The following NRXN3 variants were observed in gnomAD, a reference collection of about 807,000 sequenced individuals.
NRXN3 encodes neurexin 3.
A neutral mutation model predicts 137.6 loss-of-function variants in NRXN3; 32 were observed. The observed-to-expected ratio is 0.23, with a 90% confidence interval of 0.18 to 0.31. The LOEUF (loss-of-function observed/expected upper bound fraction) is 0.31, where lower values mean the gene tolerates loss of function less well. Ranked by LOEUF, NRXN3 falls within the 10% of genes least tolerant of loss-of-function variation. The pLI is 1.00. For missense variants in NRXN3, 1,574 were observed against 2,062.5 expected (o/e 0.76, Z 4.59); for synonymous variants, 798 against 784.5 (o/e 1.02, Z -0.29).
chr14:79,788,045 C>T (rs1423925454), intron 19 of NRXN3, among the ~76,000 whole-genome samples: 1 of 152,116 alleles, frequency 6.6e-6, no homozygotes, highest in African/African-American at 2.4e-5. Flanking sequence ...GTTTAATGGA[C>T]TTCACAGCTC....
chr14:79,562,792 A>G (rs559734878), intron 16 of NRXN3, among the ~76,000 whole-genome samples: 46 of 152,310 alleles, frequency 3.0e-4, no homozygotes, highest in Non-Finnish European at 6.3e-4. Flanking sequence ...CTCCCATCCT[A>G]TACTTCTAGG....
intron 15 of NRXN3, among the ~76,000 whole-genome samples, chr14:79,044,482 T>C (rs2099629866): frequency 6.6e-6 from 1 of 152,218 alleles, no homozygotes; most frequent in South Asian, 2.1e-4. Context: ...ACCTTTTTCA[T>C]AGGTTTTGAT....
At chr14:78,234,395 G>A (rs550983524) in intron 1 of NRXN3, among the ~76,000 whole-genome samples, 42 of 152,180 alleles carry the variant, frequency 2.8e-4, no homozygotes, top group Admixed American at 1.4e-3. Context: ...TGTACTAAGT[G>A]CCTACGTATG....
intron 20 of NRXN3, among the ~76,000 whole-genome samples, chr14:79,819,923 T>C (rs564498989): frequency 1.3e-5 from 2 of 152,222 alleles, no homozygotes; most frequent in South Asian, 4.1e-4. Context: ...GCTTAACGTC[T>C]TGCCCTTCGC....
intron 2 of NRXN3, among the ~76,000 whole-genome samples, chr14:78,269,952 C>T (rs575686844): frequency 6.6e-6 from 1 of 152,304 alleles, no homozygotes; most frequent in Admixed American, 6.5e-5. Context: ...TTGTGATTGC[C>T]AGCCTCAATG....
intron 1 of NRXN3, among the ~76,000 whole-genome samples, chr14:78,234,994 T>TTATATATATATATATATATATATGTG (rs2065991286): frequency 9.2e-6 from 1 of 108,784 alleles, no homozygotes; most frequent in Non-Finnish European, 1.9e-5. Flanking sequence ...ACAAATGCTT[T>TTATATATATATATATATATATATGTG]TATATATATA....
chr14:79,619,304 C>T (rs1425877289), intron 16 of NRXN3, among the ~76,000 whole-genome samples: 1 of 152,006 alleles, frequency 6.6e-6, no homozygotes, highest in Non-Finnish European at 1.5e-5. Context: ...ATGGTATTTC[C>T]TAGGTTTCCT....
At chr14:78,619,187 G>A (rs563900716) in intron 4 of NRXN3, among the ~76,000 whole-genome samples, 2 of 152,284 alleles carry the variant, frequency 1.3e-5, no homozygotes, top group South Asian at 4.2e-4. Flanking sequence ...GAAATCAAAA[G>A]CCACTGGACA....
chr14:78,989,233 T>C (rs1215128347), intron 15 of NRXN3, among the ~76,000 whole-genome samples: 1 of 152,244 alleles, frequency 6.6e-6, no homozygotes, highest in Non-Finnish European at 1.5e-5. Flanking sequence ...AGTCACATTA[T>C]GGTGTGACCA....
At chr14:78,412,635 C>A (rs1261469367) in intron 4 of NRXN3, among the ~76,000 whole-genome samples, 4 of 152,096 alleles carry the variant, frequency 2.6e-5, no homozygotes, top group African/African-American at 9.7e-5. Flanking sequence ...GGTCACCCAG[C>A]CAGTAAGGGG....
rs77999694 is a variant in NRXN3 at position 78,544,155 on chromosome 14, A to T, written c.758-100965A>T. 2.4e-3 allele frequency among the ~76,000 whole-genome samples: 360 copies of T among 152,348 alleles called. 13 individuals carry two copies. In the East Asian group the frequency reaches 0.061, roughly 26 times the overall value. On this transcript the variant is annotated intron_variant, in intron 4 of 20. Coordinates refer to ENST00000335750, the MANE Select transcript of NRXN3 (RefSeq NM_001330195.2). The stretch of plus-strand genomic sequence containing the variant: ...AGCCCTGGGGCACACCATGAGAGAT[A>T]CATGATACAGCTCAGGCAAATGCTA...
Position 78,617,480 on chromosome 14 carries a change from A to G in NRXN3, c.758-27640A>G, listed in dbSNP as rs112785348. On this transcript the variant is annotated intron_variant, in intron 4 of 20. Coordinates refer to ENST00000335750, the MANE Select transcript of NRXN3 (RefSeq NM_001330195.2). ...ATGCTGTCCTGCAGAATGAACATTT[A>G]GAATCCCTGTGGCCCAGTTGGTATT... Among the ~76,000 whole-genome samples the G allele has an allele frequency of 3.9e-3, 593 of 152,322 alleles. 5 individuals are homozygous for G. Among genetic ancestry groups the G allele is most frequent in the African/African-American group, 0.013 (543 of 41,568 alleles).
chr14:78,480,841 A>G (rs2095460894), intron 4 of NRXN3, among the ~76,000 whole-genome samples: 1 of 152,166 alleles, frequency 6.6e-6, no homozygotes, highest in South Asian at 2.1e-4. Flanking sequence ...TTAGCTAAGT[A>G]TTCTTCCCCT....
chr14:78,687,555 A>G (rs1233475743), intron 6 of NRXN3, among the ~76,000 whole-genome samples: 2 of 152,220 alleles, frequency 1.3e-5, no homozygotes, highest in African/African-American at 4.8e-5. Context: ...TGTGGCAACA[A>G]ACTGTTCCAA....
chr14:78,406,679 C>G (rs1311018217), intron 4 of NRXN3, among the ~76,000 whole-genome samples: 1 of 152,138 alleles, frequency 6.6e-6, no homozygotes, highest in East Asian at 1.9e-4. Flanking sequence ...TGCCAGTCTT[C>G]TGATGTTCCT....
chr14:78,872,387 A>G (rs2099103647), intron 10 of NRXN3, among the ~76,000 whole-genome samples: 1 of 150,726 alleles, frequency 6.6e-6, no homozygotes, highest in Non-Finnish European at 1.5e-5. Flanking sequence ...AAAGATACAA[A>G]TCATTTCTTT....
chr14:79,228,930 T>A (rs550140479), intron 15 of NRXN3, among the ~76,000 whole-genome samples: 27 of 152,292 alleles, frequency 1.8e-4, no homozygotes, highest in African/African-American at 5.8e-4. Flanking sequence ...ACTTTTGAAA[T>A]GAGGTTCCAG....
At chr14:78,211,622 A>T (rs1351874935) in intron 1 of NRXN3, among the ~76,000 whole-genome samples, 1 of 152,260 alleles carries the variant, frequency 6.6e-6, no homozygotes, top group African/African-American at 2.4e-5. Context: ...ATGCTTAATT[A>T]AAGTGCAGAA....
At chr14:79,102,193 T>G (rs2051456077) in intron 15 of NRXN3, among the ~76,000 whole-genome samples, 1 of 152,312 alleles carries the variant, frequency 6.6e-6, no homozygotes, top group East Asian at 1.9e-4. Context: ...TATAGTTCCC[T>G]TCTGCCCTGG....
Sources: allele counts gnomAD v4.1 joint callset (sites outside exome capture counted in the v4.1 genomes callset), GRCh38; gene constraint gnomAD v4.1.1; transcripts MANE v1.5; gene names NCBI Gene and HGNC (gene_info 2026-07-23, HGNC 2026-07-21).